ZNF93: variants seen among roughly 807,000 people sequenced by gnomAD.
ZNF93 encodes zinc finger protein 505.
Under a neutral mutation model 45.0 loss-of-function variants are expected in ZNF93, and 29 were observed. The ratio of observed to expected loss-of-function variants is 0.64; its 90% CI spans 0.48 to 0.88. The LOEUF (loss-of-function observed/expected upper bound fraction) is 0.88. Ranked by LOEUF, ZNF93 falls within the 40% of genes least tolerant of loss-of-function variation. The pLI is 0.00. For synonymous variants in ZNF93, 223 were observed against 244.6 expected, an observed-to-expected ratio of 0.91 and a Z score of 0.82; for missense variants, 578 against 724.0, an observed-to-expected ratio of 0.80 and a Z score of 2.31.
chr19:19,912,698 C>T (rs191386866), intron 1 of ZNF93, among the ~76,000 whole-genome samples: 1 of 149,810 alleles, frequency 6.7e-6, no homozygotes, highest in South Asian at 2.1e-4. Flanking sequence ...TTATTCTATA[C>T]AATTTTTTAA....
Position 19,934,890 on chromosome 19 carries a change from C to G in ZNF93, c.*72C>G. ...CTATACACTGAGAGTTCTGAACTTACTCTGTAACCATCCCAAACTCCTCCC... is the reference window on the plus strand; with the variant it reads ...CTATACACTGAGAGTTCTGAACTTAGTCTGTAACCATCCCAAACTCCTCCC... On this transcript the variant is annotated 3_prime_UTR_variant, in exon 4 of 4. Transcript: ENST00000343769. 6.8e-7 allele frequency: 1 copy of G among 1,477,254 alleles called. No homozygotes were observed. The highest frequency in any genetic ancestry group is 2.2e-5 in the Admixed American group (1 of 45,170). The allele number at this position is 1,477,254 out of a possible 1,614,324, so 91.5% of individuals were successfully genotyped here. A position where few individuals can be genotyped will look rare whatever the true frequency, so the allele number is the denominator to read the frequency against.
At chr19:19,911,755 CTT>C (rs879618250) in intron 1 of ZNF93, among the ~76,000 whole-genome samples, 2 of 144,184 alleles carry the variant, frequency 1.4e-5, no homozygotes. Context: ...GTTATAAATT[CTT>C]TTTTTTTTTT....
chr19:19,926,748 A>C (rs2063357332), intron 3 of ZNF93, among the ~76,000 whole-genome samples: 1 of 152,114 alleles, frequency 6.6e-6, no homozygotes, highest in South Asian at 2.1e-4. Context: ...GTACACTTTA[A>C]GTCAATTTGA....
At chr19:19,922,547 C>A (rs1343334652) in intron 3 of ZNF93, among the ~76,000 whole-genome samples, 3 of 152,196 alleles carry the variant, frequency 2.0e-5, no homozygotes, top group Non-Finnish European at 4.4e-5. Flanking sequence ...CAGCTTGGTT[C>A]CATTCTCCCC....
At chr19:19,930,434 G>GT (rs1404834529) in intron 3 of ZNF93, among the ~76,000 whole-genome samples, 2 of 152,156 alleles carry the variant, frequency 1.3e-5, no homozygotes, top group Admixed American at 6.5e-5. Context: ...TCCACAAGAG[G>GT]TGGAGGAGTA....
In ZNF93 at chr19:19,933,375, CCAGAG is replaced by C. The variant is rs1375865500; in HGVS notation, c.423_427del (p.Lys143IlefsTer4). Reference sequence around the variant, plus strand: ...GACTTAACCAGTGTAGTACAACTACCCAGAGCAAAGTATTTCAATGTGATAAATAT... The same window carrying C: ...GACTTAACCAGTGTAGTACAACTACCCAAAGTATTTCAATGTGATAAATAT... On this transcript the variant is annotated frameshift_variant, in exon 4 of 4. Coordinates refer to ENST00000343769, the MANE Select transcript of ZNF93 (RefSeq NM_031218.4). LOFTEE classifies it high-confidence loss of function. 3.7e-6 allele frequency: 6 copies of C among 1,604,020 alleles called. No individual in the cohort carries two copies. The Admixed American group carries it at 8.7e-5, about 23-fold the overall frequency.
chr19:19,922,448 G>A (rs1432587493), intron 3 of ZNF93, among the ~76,000 whole-genome samples: 1 of 152,116 alleles, frequency 6.6e-6, no homozygotes, highest in African/African-American at 2.4e-5. Flanking sequence ...GTATCTTTGT[G>A]GCATTCTCTG....
chr19:19,901,423 G>A (rs989134319), intron 1 of ZNF93, among the ~76,000 whole-genome samples: 5 of 152,172 alleles, frequency 3.3e-5, no homozygotes, highest in African/African-American at 1.2e-4. Context: ...CGGAGTGCGG[G>A]TTCACGAATG....
intron 3 of ZNF93, among the ~76,000 whole-genome samples, chr19:19,927,562 A>C (rs1183005398): frequency 2.0e-5 from 3 of 152,214 alleles, no homozygotes; most frequent in African/African-American, 7.2e-5. Context: ...CATAAGTGGA[A>C]TCATACAGTA....
At position 19,934,990 on chromosome 19, in the gene ZNF93, C is replaced by T. The variant is rs901187263; in HGVS notation, c.*172C>T. 8 of 685,220 alleles carry T rather than the reference C, an allele frequency of 1.2e-5. No homozygotes were observed. The Admixed American group carries it at 1.9e-4, about 16-fold the overall frequency. The allele number at this position is 685,220 out of a possible 1,614,324, so 42.4% of individuals were successfully genotyped here. On this transcript the variant is annotated 3_prime_UTR_variant, in exon 4 of 4. Transcript: ENST00000343769. ...GCCCATTTACAGCCATGTAGGCAGG[C>T]CTGCAGACCTTGGCCTTTACTACGG...
intron 3 of ZNF93, among the ~76,000 whole-genome samples, chr19:19,931,766 T>C (rs2063375058): frequency 6.6e-6 from 1 of 152,224 alleles, no homozygotes; most frequent in Non-Finnish European, 1.5e-5. Context: ...TCATTTCCTG[T>C]TTTACTTACT....
chr19:19,918,143 T>G (rs150431004), intron 3 of ZNF93, among the ~76,000 whole-genome samples: 6,002 of 151,596 alleles, frequency 0.04, 286 homozygotes, highest in East Asian at 0.17. Context: ...ATGTTCTCCT[T>G]CCTGTGTCCA....
At chr19:19,905,993 T>C (rs2063291887) in intron 1 of ZNF93, among the ~76,000 whole-genome samples, 2 of 152,230 alleles carry the variant, frequency 1.3e-5, no homozygotes, top group South Asian at 4.1e-4. Context: ...AATGTGGATG[T>C]GTCTTTATAA....
At chr19:19,916,975 C>G (rs192900441) in intron 3 of ZNF93, among the ~76,000 whole-genome samples, 1 of 151,988 alleles carries the variant, frequency 6.6e-6, no homozygotes, top group African/African-American at 2.4e-5. Flanking sequence ...TTTGGGGACA[C>G]AAAAATATTT....
intron 1 of ZNF93, among the ~76,000 whole-genome samples, chr19:19,906,143 A>G (rs148151118): frequency 2.6e-5 from 4 of 152,168 alleles, no homozygotes; most frequent in African/African-American, 9.6e-5. Flanking sequence ...TTACACTCCC[A>G]CCAGCGGAGT....
chr19:19,926,498 T>C (rs2063356559), intron 3 of ZNF93, among the ~76,000 whole-genome samples: 1 of 150,464 alleles, frequency 6.6e-6, no homozygotes, highest in Non-Finnish European at 1.5e-5. Context: ...TTTTTTTTTT[T>C]TCCGAGACAG....
Position 19,933,321 on chromosome 19 carries a change from G to C in ZNF93, c.366G>C (p.Glu122Asp), listed in dbSNP as rs969767502. The C allele has an allele frequency of 1.2e-6, 2 of 1,612,370 alleles. No homozygotes were observed. Among genetic ancestry groups the C allele is most frequent in the African/African-American group, 2.7e-5 (2 of 74,774 alleles). The stretch of plus-strand genomic sequence containing the variant: ...TAAAAAGGTGTGAAAGTGTAGATGA[G>C]TGTAAGGTGCACACAGGAGGTTATA... ...QLIKRCESVD[E>D]CKVHTGGYNG... The change falls in exon 4 of 4, where the codon GAG becomes GAC. Residue 122 changes from glutamate (E) to aspartate (D), a missense_variant. Glu to Asp is a conservative substitution (Grantham distance 45, BLOSUM62 2). Coordinates refer to ENST00000343769, the MANE Select transcript of ZNF93 (RefSeq NM_031218.4).
chr19:19,910,939 G>A lies in ZNF93; in HGVS notation c.4-4341G>A, dbSNP rs1452243484. On this transcript the variant is annotated intron_variant, in intron 1 of 3. Transcript: ENST00000343769. ...CCCATTTGGGAGTGTGGCTCTTTGA[G>A]ATTTTCACATCTTGTTCATTGACCT... Among the ~76,000 whole-genome samples, 3 of 152,176 alleles carry A rather than the reference G, an allele frequency of 2.0e-5. No homozygotes were observed. In the East Asian group the frequency reaches 5.8e-4, roughly 29 times the overall value.
intron 3 of ZNF93, among the ~76,000 whole-genome samples, chr19:19,922,308 G>A (rs1349158781): frequency 6.6e-6 from 1 of 152,220 alleles, no homozygotes; most frequent in African/African-American, 2.4e-5. Flanking sequence ...TCTGCCGAGA[G>A]GTCAGCTGTT....
Sources: gnomAD v4.1 joint callset for allele counts (sites outside exome capture counted in the v4.1 genomes callset) on GRCh38, gnomAD v4.1.1 for gene constraint, MANE v1.5 for transcripts, NCBI Gene and HGNC (gene_info 2026-07-23, HGNC 2026-07-21) for gene names.